FGGY: variants seen among roughly 807,000 people sequenced by gnomAD.
FGGY encodes the protein FGGY carbohydrate kinase domain containing.
In FGGY, 72 loss-of-function variants were observed where a neutral mutation model predicts 71.3. The ratio of observed to expected loss-of-function variants is 1.01; its 90% CI spans 0.84 to 1.23. FGGY has a LOEUF of 1.23. Ranked by LOEUF, FGGY falls within the 50% of genes most tolerant of loss-of-function variation. FGGY has a pLI of 0.00. For missense variants in FGGY, 668 were observed against 682.3 expected (o/e 0.98, Z 0.23); for synonymous variants, 251 against 250.3 (o/e 1.00, Z -0.02).
chr1:59,426,185 G>A (rs533120663), intron 5 of FGGY, among the ~76,000 whole-genome samples: 4 of 152,214 alleles, frequency 2.6e-5, no homozygotes, highest in Admixed American at 6.5e-5. Context: ...GGGCAGTTCC[G>A]CTTTTAGTCA....
At chr1:59,714,999 T>G (rs904203565) in intron 14 of FGGY, among the ~76,000 whole-genome samples, 8 of 152,168 alleles carry the variant, frequency 5.3e-5, no homozygotes, top group Non-Finnish European at 1.0e-4. Context: ...TTGCAGGGCA[T>G]TTTGGTGACA....
intron 5 of FGGY, among the ~76,000 whole-genome samples, chr1:59,447,249 A>T (rs1431079606): frequency 1.3e-5 from 2 of 152,200 alleles, no homozygotes; most frequent in African/African-American, 4.8e-5. Flanking sequence ...TAATCTTCCT[A>T]AGGTTAGAGT....
chr1:59,453,116 A>G (rs138703957), intron 5 of FGGY, among the ~76,000 whole-genome samples: 50 of 152,310 alleles, frequency 3.3e-4, no homozygotes, highest in African/African-American at 8.7e-4. Context: ...TGTGGCTTCA[A>G]TTGTACTCAC....
Position 59,308,650 on chromosome 1 carries a change from T to C in FGGY, c.-15+11500T>C, listed in dbSNP as rs1380168351. On this transcript the variant is annotated intron_variant, in intron 1 of 15. Transcript: ENST00000303721. The stretch of plus-strand genomic sequence containing the variant: ...CCCAGTGTTTCTGAGTCACTGGAGC[T>C]GGAAGGGGGCCTGACTTTGAATTTC... Among the ~76,000 whole-genome samples, 3 of 152,174 alleles carry C rather than the reference T, an allele frequency of 2.0e-5. No homozygotes were observed. The East Asian group carries it at 5.8e-4, about 29-fold the overall frequency.
At chr1:59,348,571 A>C (rs2052599806) in intron 4 of FGGY, among the ~76,000 whole-genome samples, 2 of 152,164 alleles carry the variant, frequency 1.3e-5, no homozygotes, top group African/African-American at 4.8e-5. Flanking sequence ...GAATCCATCT[A>C]ATGAGCATGA....
chr1:59,761,800 A>G (rs2098342808), intron 15 of FGGY, among the ~76,000 whole-genome samples: 1 of 152,236 alleles, frequency 6.6e-6, no homozygotes, highest in Non-Finnish European at 1.5e-5. Context: ...GCAGGTCACA[A>G]GGGAAACCTA....
At chr1:59,369,069 G>A (rs1356440687) in intron 4 of FGGY, among the ~76,000 whole-genome samples, 1 of 152,210 alleles carries the variant, frequency 6.6e-6, no homozygotes, top group South Asian at 2.1e-4. Flanking sequence ...GCGCAGGTCA[G>A]TGGGTGCAGC....
intron 11 of FGGY, among the ~76,000 whole-genome samples, chr1:59,657,514 C>T (rs1187603256): frequency 6.6e-6 from 1 of 152,188 alleles, no homozygotes; most frequent in Non-Finnish European, 1.5e-5. Flanking sequence ...AGGACCACCG[C>T]ATGCTAGCAT....
chr1:59,409,530 C>T (rs891047435), intron 5 of FGGY, among the ~76,000 whole-genome samples: 8 of 151,552 alleles, frequency 5.3e-5, no homozygotes, highest in African/African-American at 1.9e-4. Flanking sequence ...AAATGTGTCC[C>T]CAGCACTACT....
chr1:59,452,120 C>T (rs1324776361), intron 5 of FGGY, among the ~76,000 whole-genome samples: 2 of 150,448 alleles, frequency 1.3e-5, no homozygotes, highest in Non-Finnish European at 3.0e-5. Flanking sequence ...CTAAAAAACA[C>T]AAAATCTGTT....
intron 6 of FGGY, among the ~76,000 whole-genome samples, chr1:59,505,956 G>T (rs947731631): frequency 1.3e-5 from 2 of 152,090 alleles, no homozygotes; most frequent in Non-Finnish European, 2.9e-5. Flanking sequence ...TGACCACTCA[G>T]ACTGAATCTG....
At chr1:59,337,078 T>A (rs1049952723) in intron 2 of FGGY, among the ~76,000 whole-genome samples, 2 of 148,926 alleles carry the variant, frequency 1.3e-5, no homozygotes, top group African/African-American at 4.9e-5. Context: ...TGAAAGAAAG[T>A]TTGTTAGGGA....
intron 12 of FGGY, among the ~76,000 whole-genome samples, chr1:59,661,575 C>A (rs1003028819): frequency 6.6e-6 from 1 of 151,560 alleles, no homozygotes; most frequent in Non-Finnish European, 1.5e-5. Flanking sequence ...AGGAAATGAA[C>A]AGTAAGATGA....
intron 5 of FGGY, among the ~76,000 whole-genome samples, chr1:59,381,665 GTGTGTATA>G (rs2059476341): frequency 7.1e-6 from 1 of 140,470 alleles, no homozygotes; most frequent in African/African-American, 3.0e-5. Context: ...GTGTGTGTGT[GTGTGTATA>G]TTTTGGCCTC....
intron 6 of FGGY, among the ~76,000 whole-genome samples, chr1:59,483,954 G>C (rs2153572522): frequency 6.6e-6 from 1 of 152,212 alleles, no homozygotes; most frequent in East Asian, 1.9e-4. Context: ...ATAGGGAAAG[G>C]AAATAGTGTA....
chr1:59,347,146 G>A (rs1434422441), intron 4 of FGGY, among the ~76,000 whole-genome samples: 3 of 148,708 alleles, frequency 2.0e-5, no homozygotes, highest in Non-Finnish European at 4.4e-5. Flanking sequence ...TGCACAACGT[G>A]CAGGTTAGTT....
chr1:59,480,157 T>C (rs1401957614), intron 6 of FGGY, among the ~76,000 whole-genome samples: 1 of 152,208 alleles, frequency 6.6e-6, no homozygotes, highest in Non-Finnish European at 1.5e-5. Context: ...GCATGAACTT[T>C]TTATAATGAA....
intron 14 of FGGY, among the ~76,000 whole-genome samples, chr1:59,756,462 T>C (rs953558540): frequency 3.9e-5 from 6 of 152,242 alleles, no homozygotes; most frequent in Non-Finnish European, 8.8e-5. Flanking sequence ...CTTGAATAAC[T>C]ACTGAAAGAA....
At chr1:59,670,497 G>A (rs1195430682) in intron 13 of FGGY, among the ~76,000 whole-genome samples, 3 of 152,154 alleles carry the variant, frequency 2.0e-5, no homozygotes, top group Non-Finnish European at 2.9e-5. Context: ...GTGACTTTGG[G>A]CAAGTTACTT....
Sources: allele counts gnomAD v4.1 joint callset (sites outside exome capture counted in the v4.1 genomes callset), GRCh38; gene constraint gnomAD v4.1.1; transcripts MANE v1.5; gene names NCBI Gene and HGNC (gene_info 2026-07-23, HGNC 2026-07-21).